ABLIM3: variants seen among roughly 807,000 people sequenced by gnomAD.
ABLIM3 encodes the protein actin-binding LIM protein 3.
A neutral mutation model predicts 109.5 loss-of-function variants in ABLIM3; 61 were observed. That is an observed-to-expected ratio of 0.56 (90% CI 0.45 to 0.69). The LOEUF is 0.69. ABLIM3 is among the 30% of genes least tolerant of loss of function. ABLIM3 has a pLI of 0.00. For missense variants in ABLIM3, 796 were observed against 889.5 expected (o/e 0.89, Z 1.34); for synonymous variants, 300 against 324.8 (o/e 0.92, Z 0.82).
chr5:149,246,878 T>C (rs1256430117), intron 17 of ABLIM3, among the ~76,000 whole-genome samples: 2 of 152,224 alleles, frequency 1.3e-5, no homozygotes, highest in Admixed American at 6.5e-5. Context: ...TCAGCCCCTG[T>C]GGAAAACAAT....
chr5:149,209,909 A>T (rs1263346653), intron 6 of ABLIM3, among the ~76,000 whole-genome samples: 1 of 152,230 alleles, frequency 6.6e-6, no homozygotes, highest in Admixed American at 6.5e-5. Flanking sequence ...TTCGAGATGG[A>T]AAAGTGATGT....
chr5:149,250,556 A>G, intron 20 of ABLIM3, 51 bp downstream of exon 20: 3 of 1,602,868 alleles, frequency 1.9e-6, no homozygotes, highest in Non-Finnish European at 2.6e-6. Context: ...CAAAATGCTA[A>G]TAAACCCAAC....
At chr5:149,246,663 C>A in intron 17 of ABLIM3, 117 bp downstream of exon 17, 1 of 1,059,682 alleles carries the variant, frequency 9.4e-7, no homozygotes, top group Non-Finnish European at 1.3e-6. Flanking sequence ...AAAAGAAAAG[C>A]ATAGCTTTGC....
intron 3 of ABLIM3, among the ~76,000 whole-genome samples, chr5:149,193,981 G>A (rs1422043753): frequency 6.6e-6 from 1 of 152,100 alleles, no homozygotes; most frequent in East Asian, 1.9e-4. Flanking sequence ...ATTTTTAGAA[G>A]ACAATATAGG....
intron 14 of ABLIM3, among the ~76,000 whole-genome samples, chr5:149,242,145 G>C (rs1752916032): frequency 6.6e-6 from 1 of 152,190 alleles, no homozygotes; most frequent in South Asian, 2.1e-4. Context: ...GGAATGAGGT[G>C]TGGCCACTGG....
intron 17 of ABLIM3, 40 bp downstream of exon 17, chr5:149,246,586 G>A (rs773793780): frequency 1.1e-4 from 179 of 1,591,922 alleles, no homozygotes; most frequent in East Asian, 4.5e-5. Flanking sequence ...TGCTTAGAGC[G>A]TATATCACTG....
chr5:149,248,355 T>TG (rs1253901691), intron 18 of ABLIM3, among the ~76,000 whole-genome samples: 1 of 152,124 alleles, frequency 6.6e-6, no homozygotes, highest in Non-Finnish European at 1.5e-5. Flanking sequence ...CCCATTGCTT[T>TG]GGGGCATCTG....
At chr5:149,156,194 C>A (rs1249589168) in intron 2 of ABLIM3, among the ~76,000 whole-genome samples, 2 of 152,324 alleles carry the variant, frequency 1.3e-5, no homozygotes, top group African/African-American at 4.8e-5. Context: ...AGGTTATTGA[C>A]CAAACTGAGA....
In ABLIM3 at chr5:149,259,807, A is replaced by G. The variant is rs1754752427; in HGVS notation, c.*1403A>G. On this transcript the variant is annotated 3_prime_UTR_variant, in exon 24 of 24. Coordinates refer to ENST00000309868, the MANE Select transcript of ABLIM3 (RefSeq NM_014945.5). ...GAAGGATGAAGAAGTGAAAATGACA[A>G]TAATGACTCTCAAGAGGCTGGCGAT... 3.4e-6 allele frequency: 2 copies of G among 588,070 alleles called. No homozygotes were observed. Among genetic ancestry groups the G allele is most frequent in the South Asian group, 4.1e-5 (2 of 48,262 alleles). The allele number at this position is 588,070 out of a possible 1,614,324, so 36.4% of individuals were successfully genotyped here.
intron 5 of ABLIM3, among the ~76,000 whole-genome samples, chr5:149,200,898 T>C (rs1451381544): frequency 1.3e-5 from 2 of 152,122 alleles, no homozygotes; most frequent in Non-Finnish European, 2.9e-5. Context: ...CTGCATCAGC[T>C]TCACTGTGGG....
Position 149,258,427 on chromosome 5 carries a change from T to C in ABLIM3, c.*23T>C, listed in dbSNP as rs377750919. 13 of 1,602,206 alleles carry C rather than the reference T, an allele frequency of 8.1e-6. No homozygotes were observed. In the South Asian group the frequency reaches 1.3e-4, roughly 17 times the overall value. On this transcript the variant is annotated 3_prime_UTR_variant, in exon 24 of 24. Coordinates refer to ENST00000309868, the MANE Select transcript of ABLIM3 (RefSeq NM_014945.5). ...TAGGCAGAGGCTCTATAAATATATA[T>C]GCATTTATATAAAGATATATGTAAA...
rs564980298 is a variant in ABLIM3 at position 149,187,513 on chromosome 5, A to G, written c.151+3924A>G. Among the ~76,000 whole-genome samples, 3 of 152,358 alleles carry G rather than the reference A, an allele frequency of 2.0e-5. No individual in the cohort carries two copies. The South Asian group carries it at 6.2e-4, about 32-fold the overall frequency. On this transcript the variant is annotated intron_variant, in intron 3 of 23. Transcript: ENST00000309868. ...ATCTTTCTATAACAAAGACAAACCTACAACTAAGATTATACTTAATGGTGA... is the reference window on the plus strand; with the variant it reads ...ATCTTTCTATAACAAAGACAAACCTGCAACTAAGATTATACTTAATGGTGA...
chr5:149,239,336 C>T (rs1182962991), intron 12 of ABLIM3, 59 bp downstream of exon 12: 1 of 1,565,846 alleles, frequency 6.4e-7, no homozygotes. Flanking sequence ...ATGTGGACTT[C>T]ACCCATCCCC....
chr5:149,246,580 T>G, intron 17 of ABLIM3, 34 bp downstream of exon 17: 1 of 1,607,844 alleles, frequency 6.2e-7, no homozygotes, highest in South Asian at 1.1e-5. Context: ...ATATGATGCT[T>G]AGAGCGTATA....
At chr5:149,211,467 C>T (rs1323070714) in intron 7 of ABLIM3, among the ~76,000 whole-genome samples, 2 of 152,108 alleles carry the variant, frequency 1.3e-5, no homozygotes, top group Non-Finnish European at 1.5e-5. Context: ...GAATTAGAAA[C>T]AGGGAAGGGC....
chr5:149,203,432 C>T (rs901106510), intron 5 of ABLIM3, among the ~76,000 whole-genome samples: 1 of 152,086 alleles, frequency 6.6e-6, no homozygotes, highest in South Asian at 2.1e-4. Context: ...ACTGCTACCA[C>T]CATCATCACC....
At chr5:149,150,847 G>C (rs1282400799) in intron 2 of ABLIM3, among the ~76,000 whole-genome samples, 1 of 151,542 alleles carries the variant, frequency 6.6e-6, no homozygotes, top group Non-Finnish European at 1.5e-5. Flanking sequence ...GTATCCTTAG[G>C]CAAGTCACTT....
rs923966505 is a variant in ABLIM3 at position 149,258,742 on chromosome 5, C to T, written c.*338C>T. 6.9e-6 allele frequency: 7 copies of T among 1,009,054 alleles called. No homozygotes were observed. Among genetic ancestry groups the T allele is most frequent in the South Asian group, 4.4e-5 (1 of 22,690 alleles). 62.5% of individuals were successfully genotyped at this position (1,009,054 alleles called of 1,614,324 possible). On this transcript the variant is annotated 3_prime_UTR_variant, in exon 24 of 24. Transcript: ENST00000309868. ...GAAGAAGTCTCTCTTCTCTCTGCTT[C>T]GTGGCCCCTTTCTTAAATTTCTAGG...
chr5:149,233,115 C>T, intron 9 of ABLIM3, 114 bp from the exon 10 acceptor site: 1 of 907,762 alleles, frequency 1.1e-6, no homozygotes, highest in Non-Finnish European at 1.8e-6. Context: ...ACAGAAGTAG[C>T]CAGAGAGTAC....
Sources: gnomAD v4.1 joint callset for allele counts (sites outside exome capture counted in the v4.1 genomes callset) on GRCh38, gnomAD v4.1.1 for gene constraint, MANE v1.5 for transcripts, NCBI Gene and HGNC (gene_info 2026-07-23, HGNC 2026-07-21) for gene names.